Variants in L3HYPDH observed in about 807,000 individuals in gnomAD.
L3HYPDH encodes trans-L-3-hydroxyproline dehydratase.
L3HYPDH carries 32 observed loss-of-function variants against 26.5 expected under a neutral mutation model. That is an observed-to-expected ratio of 1.21 (90% CI 0.91 to 1.62). The LOEUF is 1.62. Ranked by LOEUF, L3HYPDH falls within the 40% of genes most tolerant of loss-of-function variation. The probability of loss-of-function intolerance (pLI) is 0.00; values close to 1 mark genes in which losing one functional copy is unlikely to be tolerated. For synonymous variants in L3HYPDH, 215 were observed against 196.6 expected (o/e 1.09, Z -0.78); for missense variants, 554 against 476.4 (o/e 1.16, Z -1.52).
At chr14:59,494,374 GA>G in the L3HYPDH span, among the ~76,000 whole-genome samples, 1 of 152,014 alleles carries the variant, frequency 6.6e-6, no homozygotes, top group Non-Finnish European at 1.5e-5. Context: ...ACACAATAGC[GA>G]AAATGACTGA....
chr14:59,466,443 T>C (rs1889181950), intron 1 of L3HYPDH, among the ~76,000 whole-genome samples: 1 of 152,176 alleles, frequency 6.6e-6, no homozygotes, highest in South Asian at 2.1e-4. Flanking sequence ...AGTATGGACA[T>C]TGGACCAGCA....
chr14:59,470,443 C>CAG (rs1889281590), downstream of L3HYPDH, among the ~76,000 whole-genome samples: 2 of 152,170 alleles, frequency 1.3e-5, no homozygotes, highest in South Asian at 2.1e-4. Context: ...TGACCTAACT[C>CAG]TTACTGAGTC....
chr14:59,498,623 A>G, the L3HYPDH span: 4 of 659,792 alleles, frequency 6.1e-6, no homozygotes, highest in South Asian at 6.9e-5. Flanking sequence ...TAGAGTAAAT[A>G]TGCTTTTTAA....
At chr14:59,494,144 C>A in the L3HYPDH span, among the ~76,000 whole-genome samples, 1 of 130,668 alleles carries the variant, frequency 7.7e-6, no homozygotes, top group Non-Finnish European at 1.6e-5. Context: ...GTGTGAGATA[C>A]ACACACATCT....
At chr14:59,498,647 T>A in the L3HYPDH span, 1 of 787,260 alleles carries the variant, frequency 1.3e-6, no homozygotes, top group South Asian at 2.0e-5. Flanking sequence ...TCTTTTAGGC[T>A]CTTTCATTTA....
the L3HYPDH span, among the ~76,000 whole-genome samples, chr14:59,489,631 C>T: frequency 3.3e-5 from 5 of 152,212 alleles, no homozygotes; most frequent in Non-Finnish European, 5.9e-5. Flanking sequence ...ACTGCCCTAC[C>T]CTTCAGTTTC....
Position 59,479,216 on chromosome 14 carries a change from G to C in L3HYPDH, c.644C>G (p.Ala215Gly). Residue 215 changes from alanine to glycine, a missense_variant, in exon 2 of 5, where the codon GCA (alanine) becomes GGA (glycine). By Grantham distance (60) the Ala-to-Gly change is moderately conservative. Transcript: ENST00000247194. Reference protein sequence around the residue: ...CSAKTRDLVDAASAVTEAVKA... With the variant: ...CSAKTRDLVDGASAVTEAVKA... ...CACTGCCTCTGTCACTGCACTCGCT[G>C]CATCCACAAGGTCCCTGGTCTTTGC... is the stretch of plus-strand genomic sequence containing the variant. The C allele has an allele frequency of 6.2e-7, 1 of 1,610,706 alleles. No individual in the cohort carries two copies. Among genetic ancestry groups the C allele is most frequent in the Non-Finnish European group, 8.5e-7 (1 of 1,179,318 alleles).
At chr14:59,482,934 T>C (rs1890139635) in intron 1 of L3HYPDH, among the ~76,000 whole-genome samples, 1 of 152,350 alleles carries the variant, frequency 6.6e-6, no homozygotes, top group South Asian at 2.1e-4. Context: ...GGTAGTAGTC[T>C]GATGAGAAAC....
At chr14:59,491,955 C>G in the L3HYPDH span, among the ~76,000 whole-genome samples, 1 of 152,164 alleles carries the variant, frequency 6.6e-6, no homozygotes, top group Non-Finnish European at 1.5e-5. Context: ...GAAAGCTTCC[C>G]CATTCTCAAT....
chr14:59,503,141 A>G, the L3HYPDH span, among the ~76,000 whole-genome samples: 1 of 152,122 alleles, frequency 6.6e-6, no homozygotes, highest in Non-Finnish European at 1.5e-5. Flanking sequence ...TGAATCTCCT[A>G]TATAAAATGT....
downstream of L3HYPDH, among the ~76,000 whole-genome samples, chr14:59,467,961 T>G (rs1889233898): frequency 6.6e-6 from 1 of 152,240 alleles, no homozygotes; most frequent in African/African-American, 2.4e-5. Context: ...ATCCTGAATC[T>G]TGGCTCTCAT....
At chr14:59,474,385 G>C in intron 4 of L3HYPDH, 2 of 610,068 alleles carry the variant, frequency 3.3e-6, no homozygotes, top group East Asian at 5.7e-5. Context: ...TTGTTCAGCT[G>C]CTTCCCAGGA....
At chr14:59,484,584 C>T (rs1233914654), upstream of L3HYPDH, 1 of 1,576,730 alleles carries the variant, frequency 6.3e-7, no homozygotes. Flanking sequence ...AACCTTCAGG[C>T]GGCCCATGGG....
chr14:59,473,352 G>T (rs1889400010), intron 4 of L3HYPDH, among the ~76,000 whole-genome samples: 1 of 152,206 alleles, frequency 6.6e-6, no homozygotes, highest in Non-Finnish European at 1.5e-5. Context: ...CTGAATGATT[G>T]ATTCCAGAGT....
In L3HYPDH at chr14:59,473,005, T is replaced by G; in HGVS notation, c.1025A>C (p.Glu342Ala). The G allele has an allele frequency of 6.2e-7, 1 of 1,608,810 alleles. No homozygotes were observed. Among genetic ancestry groups the G allele is most frequent in the Non-Finnish European group, 8.5e-7 (1 of 1,178,098 alleles). ...TCCATCCCTCAATGGGTCGTCATCT[T>G]CTATTATAAAGCTTGCTGTACCCGT... ...HYTGTASFII[E>A]DDDPLRDGFL... The change falls in exon 5 of 5, where the codon GAA (glutamate) becomes GCA (alanine). Residue 342 changes from glutamate (E) to alanine (A), a missense_variant. By Grantham distance (107) the Glu-to-Ala change is moderately radical. Coordinates refer to ENST00000247194, the MANE Select transcript of L3HYPDH (RefSeq NM_144581.2).
the L3HYPDH span, chr14:59,503,994 A>T: frequency 8.1e-6 from 13 of 1,613,676 alleles, no homozygotes; most frequent in Admixed American, 8.3e-5. Context: ...TGGTACCTAC[A>T]CCAGCCCTTT....
rs138743622 is a variant in L3HYPDH, at chr14:59,476,115, T to G, written c.778A>C (p.Ile260Leu). 9 of 1,613,884 alleles carry G rather than the reference T, an allele frequency of 5.6e-6. No homozygotes were observed. Among genetic ancestry groups the G allele is most frequent in the Non-Finnish European group, 7.6e-6 (9 of 1,179,916 alleles). Residue 260 changes from isoleucine (I) to leucine (L), a missense_variant, in exon 3 of 5, where the codon ATT becomes CTT. Coordinates refer to ENST00000247194, the MANE Select transcript of L3HYPDH (RefSeq NM_144581.2). Reference protein sequence around the residue: ...DAYTKEPTTNICVFADEQVDR... With the variant: ...DAYTKEPTTNLCVFADEQVDR... The stretch of plus-strand genomic sequence containing the variant: ...ACCTGTTCATCTGCAAAAACACAAA[T>G]GTTGGTGGTTGGTTCCTTGGTATAA...
the L3HYPDH span, among the ~76,000 whole-genome samples, chr14:59,490,376 A>C: frequency 6.6e-6 from 1 of 152,170 alleles, no homozygotes; most frequent in Non-Finnish European, 1.5e-5. Context: ...TTACATTTCA[A>C]CATGAGATTT....
chr14:59,468,988 A>C (rs912308635), downstream of L3HYPDH, among the ~76,000 whole-genome samples: 6 of 152,156 alleles, frequency 3.9e-5, no homozygotes, highest in African/African-American at 1.4e-4. Context: ...CTGGAAGGAC[A>C]GGGGAAGTTC....
Sources: allele counts gnomAD v4.1 joint callset (sites outside exome capture counted in the v4.1 genomes callset), GRCh38; gene constraint gnomAD v4.1.1; transcripts MANE v1.5; gene names NCBI Gene and HGNC (gene_info 2026-07-23, HGNC 2026-07-21).